LRP1: variants seen among roughly 807,000 people sequenced by gnomAD.
The protein encoded by LRP1 is LDL receptor related protein 1, also known as prolow-density lipoprotein receptor-related protein 1.
Under a neutral mutation model 541.5 loss-of-function variants are expected in LRP1, and 51 were observed. The ratio of observed to expected loss-of-function variants is 0.09; its 90% CI spans 0.08 to 0.12. The LOEUF (loss-of-function observed/expected upper bound fraction) is 0.12, where lower values mean the gene tolerates loss of function less well. Ranked by LOEUF, LRP1 falls within the 10% of genes least tolerant of loss-of-function variation. The probability of loss-of-function intolerance (pLI) is 1.00; values close to 1 mark genes in which losing one functional copy is unlikely to be tolerated. For missense variants in LRP1, 3,878 were observed against 6,376.2 expected (o/e 0.61, Z 13.34); for synonymous variants, 2,219 against 2,470.8 (o/e 0.90, Z 3.02).
chr12:57,194,783 A>G (rs2136728741), intron 50 of LRP1, 84 bp downstream of exon 50: 1 of 1,476,450 alleles, frequency 6.8e-7, no homozygotes, highest in Non-Finnish European at 9.1e-7. Flanking sequence ...GCCCCCTTGG[A>G]AAAGGGCATC....
intron 3 of LRP1, among the ~76,000 whole-genome samples, chr12:57,141,879 G>A (rs960923347): frequency 1.3e-5 from 2 of 152,196 alleles, no homozygotes; most frequent in African/African-American, 4.8e-5. Context: ...ACCTGAGTGT[G>A]AACACAGGGA....
Position 57,181,180 on chromosome 12 carries a change from A to C in LRP1, c.5551A>C (p.Ser1851Arg), listed in dbSNP as rs1259558344. Residue 1851 changes from serine to arginine, a missense_variant, in exon 34 of 89, where the codon AGT (serine) becomes CGT (arginine). Physicochemically the swap from Ser to Arg is moderately radical, Grantham distance 110 (BLOSUM62 -1). Coordinates refer to ENST00000243077, the MANE Select transcript of LRP1 (RefSeq NM_002332.3). The stretch of plus-strand genomic sequence containing the variant: ...AGACCATAAGGGCACCAACCCCTGC[A>C]GTGTCAACAACGGTGACTGCTCCCA... Reference protein sequence around the residue: ...QLDHKGTNPCSVNNGDCSQLC... With the variant: ...QLDHKGTNPCRVNNGDCSQLC... The C allele has an allele frequency of 6.2e-7, 1 of 1,613,776 alleles. No homozygotes were observed. The highest frequency in any genetic ancestry group is 1.7e-5 in the Admixed American group (1 of 60,024).
rs759056404 is a variant in LRP1 at position 57,210,371 on chromosome 12, G to A, written c.12645G>A (p.Arg4215=). ...GTGGCAGCTGTTTCCTCAATGCACGGAGGCAGCCCAAGTGCCGCTGCCAAC... is the reference window on the plus strand; with the variant it reads ...GTGGCAGCTGTTTCCTCAATGCACGAAGGCAGCCCAAGTGCCGCTGCCAAC... The part of the protein sequence containing the change: ...FNGGSCFLNA[R]RQPKCRCQPR... Residue 4215 remains arginine, a synonymous_variant, in exon 82 of 89, where the codon CGG becomes CGA. Coordinates refer to ENST00000243077, the MANE Select transcript of LRP1 (RefSeq NM_002332.3). 6 of 1,605,248 alleles carry A rather than the reference G, an allele frequency of 3.7e-6. No homozygotes were observed. The highest frequency in any genetic ancestry group is 5.1e-6 in the Non-Finnish European group (6 of 1,174,872).
chr12:57,206,650 C>T lies in LRP1; in HGVS notation c.11768C>T (p.Thr3923Ile), dbSNP rs893554622. The T allele has an allele frequency of 9.3e-6, 15 of 1,614,030 alleles. No homozygotes were observed. Among genetic ancestry groups the T allele is most frequent in the Non-Finnish European group, 1.3e-5 (15 of 1,180,038 alleles). Residue 3923 changes from threonine to isoleucine, a missense_variant, in exon 76 of 89, where the codon ACC becomes ATC. Around this residue, in one of 13 missense-constraint regions of LRP1, gnomAD observed 871 missense variants for 1,212.4 expected, o/e 0.72. Transcript: ENST00000243077. This position sits in a 1 kb window ranked among gnomAD's most constrained non-coding sequence, Gnocchi z 4.7. ...TATTGGACCAACTGGCACACGGGCA[C>T]CATCTCCTACCGCAGCCTGCCACCT... ...RVYWTNWHTG[T>I]ISYRSLPPAA...
In LRP1 at chr12:57,205,738, G is replaced by C; in HGVS notation, c.11590+61G>C. 1 of 1,590,704 alleles carries C rather than the reference G, an allele frequency of 6.3e-7. No individual in the cohort carries two copies. The highest frequency in any genetic ancestry group is 8.5e-7 in the Non-Finnish European group (1 of 1,173,840). On this transcript the variant is annotated intron_variant, in intron 75 of 88. Transcript: ENST00000243077. This position sits in a 1 kb window ranked among gnomAD's most constrained non-coding sequence, Gnocchi z 4.6. ...GGGCAGGGCGACCAGGATATCAAACGGGGCCGACTTGGAATGGAATGTCTT... is the reference window on the plus strand; with the variant it reads ...GGGCAGGGCGACCAGGATATCAAACCGGGCCGACTTGGAATGGAATGTCTT...
In LRP1 at chr12:57,184,669, G is replaced by T. The variant is rs2036233717; in HGVS notation, c.6187-170G>T. On this transcript the variant is annotated intron_variant, in intron 38 of 88. Transcript: ENST00000243077. The surrounding 1 kb of genome is among the most constrained non-coding windows in gnomAD (Gnocchi z 7.8). ...GTGGGGGAGTGGAGAGATGCCTGGA[G>T]GTCACCTTATCAGCAGGGCAGTGGG... is the stretch of plus-strand genomic sequence containing the variant. 6.6e-6 allele frequency among the ~76,000 whole-genome samples: 1 copy of T among 152,172 alleles called. No homozygotes were observed. Among genetic ancestry groups the T allele is most frequent in the Non-Finnish European group, 1.5e-5 (1 of 68,024 alleles).
chr12:57,196,309 C>T (rs1451008010), intron 55 of LRP1, 32 bp downstream of exon 55: 2 of 1,513,702 alleles, frequency 1.3e-6, no homozygotes, highest in Non-Finnish European at 1.8e-6. Flanking sequence ...AGCTTCCACA[C>T]CCCAGACGTG....
At position 57,205,290 on chromosome 12, in the gene LRP1, G is replaced by A. The variant is rs2036749159; in HGVS notation, c.11335+41G>A. The A allele has an allele frequency of 6.3e-7, 1 of 1,596,740 alleles. No individual in the cohort carries two copies. Among genetic ancestry groups the A allele is most frequent in the African/African-American group, 1.3e-5 (1 of 74,712 alleles). On this transcript the variant is annotated intron_variant, in intron 73 of 88. Coordinates refer to ENST00000243077, the MANE Select transcript of LRP1 (RefSeq NM_002332.3). This position sits in a 1 kb window ranked among gnomAD's most constrained non-coding sequence, Gnocchi z 4.6. ...GGACCGGACGCTGGTGGGGAGTGGGGAGAGCCAAGCCCTGGCCTGGGGTGG... is the reference window on the plus strand; with the variant it reads ...GGACCGGACGCTGGTGGGGAGTGGGAAGAGCCAAGCCCTGGCCTGGGGTGG...
chr12:57,190,567 G>T (rs1425403071), intron 42 of LRP1, among the ~76,000 whole-genome samples: 5 of 152,204 alleles, frequency 3.3e-5, no homozygotes, highest in African/African-American at 1.2e-4. Flanking sequence ...CCCAGATACT[G>T]CAATGTGAAT....
At chr12:57,209,979 T>A in intron 80 of LRP1, 50 bp from the exon 81 acceptor site, 1 of 1,585,050 alleles carries the variant, frequency 6.3e-7, no homozygotes, top group Non-Finnish European at 8.6e-7. Flanking sequence ...CTCACAGGGC[T>A]CAGAGAAGGG....
At chr12:57,145,125 A>G in intron 5 of LRP1, 25 bp downstream of exon 5, 4 of 1,613,864 alleles carry the variant, frequency 2.5e-6, no homozygotes, top group Non-Finnish European at 3.4e-6. Context: ...CTCTGGCCAC[A>G]GTGCTAACTA....
chr12:57,204,927 A>G lies in LRP1; in HGVS notation c.11194+178A>G. 7.6e-7 allele frequency: 1 copy of G among 1,323,434 alleles called. No homozygotes were observed. Among genetic ancestry groups the G allele is most frequent in the Non-Finnish European group, 1.0e-6 (1 of 973,144 alleles). 82.0% of individuals were successfully genotyped at this position (1,323,434 alleles called of 1,614,324 possible). A position where few individuals can be genotyped will look rare whatever the true frequency, so the allele number is the denominator to read the frequency against. On this transcript the variant is annotated intron_variant, in intron 72 of 88. Coordinates refer to ENST00000243077, the MANE Select transcript of LRP1 (RefSeq NM_002332.3). The surrounding 1 kb of genome is among the most constrained non-coding windows in gnomAD (Gnocchi z 5.3). ...GTTAGGAAAGAGAAGCCCCTGGGGA[A>G]GGCTCTGGGGGCTGCCTGATGCCTT...
chr12:57,154,843 G>A lies in LRP1; in HGVS notation c.1227+142G>A, dbSNP rs573701210. ...GCCCCAGGCCTCTAGTGGGAGTGGGGTGGGCTTGAATACTGCAGAGAAAGG... is the reference window on the plus strand; with the variant it reads ...GCCCCAGGCCTCTAGTGGGAGTGGGATGGGCTTGAATACTGCAGAGAAAGG... On this transcript the variant is annotated intron_variant, in intron 8 of 88. Transcript: ENST00000243077. This position sits in a 1 kb window ranked among gnomAD's most constrained non-coding sequence, Gnocchi z 4.6. The A allele has an allele frequency of 1.6e-5, 12 of 761,248 alleles. No homozygotes were observed. The highest frequency in any genetic ancestry group is 2.7e-5 in the Non-Finnish European group (12 of 443,628). The allele number at this position is 761,248 out of a possible 1,614,324, so 47.2% of individuals were successfully genotyped here. A position where few individuals can be genotyped will look rare whatever the true frequency, so the allele number is the denominator to read the frequency against.
chr12:57,147,857 A>T (rs1387094390), intron 6 of LRP1, among the ~76,000 whole-genome samples: 1 of 152,142 alleles, frequency 6.6e-6, no homozygotes, highest in Admixed American at 6.5e-5. Context: ...GTGTGTGAAC[A>T]TTCCTCTTCA....
intron 22 of LRP1, among the ~76,000 whole-genome samples, chr12:57,175,225 G>A (rs1200527981): frequency 6.6e-6 from 1 of 152,196 alleles, no homozygotes; most frequent in African/African-American, 2.4e-5. Flanking sequence ...GTGGGAAGGG[G>A]AGGTATGGTG....
At chr12:57,195,497 C>T (rs1238928248) in intron 52 of LRP1, 98 bp downstream of exon 52, 67 of 1,572,060 alleles carry the variant, frequency 4.3e-5, no homozygotes, top group East Asian at 1.8e-4. Context: ...AATGCCTCAG[C>T]GGGGTCCACT....
chr12:57,163,557 C>T (rs1278988077), intron 15 of LRP1, among the ~76,000 whole-genome samples: 9 of 148,062 alleles, frequency 6.1e-5, no homozygotes, highest in South Asian at 2.1e-4. Flanking sequence ...CCAGCCTAGG[C>T]GACAGATGGA....
Position 57,184,796 on chromosome 12 carries a change from C to T in LRP1, c.6187-43C>T, listed in dbSNP as rs36049517. On this transcript the variant is annotated intron_variant, in intron 38 of 88. Coordinates refer to ENST00000243077, the MANE Select transcript of LRP1 (RefSeq NM_002332.3). This position sits in a 1 kb window ranked among gnomAD's most constrained non-coding sequence, Gnocchi z 7.8. The stretch of plus-strand genomic sequence containing the variant: ...GCTGCCCCAGACATGGGGCTGGCAG[C>T]GAGCTCAGCCCTGGAGGTGAGGTGG... 6,681 of 1,585,426 alleles carry T rather than the reference C, an allele frequency of 4.2e-3. 231 individuals carry two copies. The African/African-American group carries it at 0.073, about 17-fold the overall frequency.
chr12:57,158,728 C>A lies in LRP1; in HGVS notation c.1798+90C>A. 8.5e-7 allele frequency: 1 copy of A among 1,170,972 alleles called. No individual in the cohort carries two copies. Among genetic ancestry groups the A allele is most frequent in the Non-Finnish European group, 1.2e-6 (1 of 801,268 alleles). 72.5% of individuals were successfully genotyped at this position (1,170,972 alleles called of 1,614,324 possible). Reference sequence around the variant, plus strand: ...TCGGTGCCCTCTCAGCAGGATGGTCCCCTGCTGACTGGCTGGCTGCACTGG... The same window carrying A: ...TCGGTGCCCTCTCAGCAGGATGGTCACCTGCTGACTGGCTGGCTGCACTGG... On this transcript the variant is annotated intron_variant, in intron 11 of 88. Coordinates refer to ENST00000243077, the MANE Select transcript of LRP1 (RefSeq NM_002332.3). The surrounding 1 kb of genome is among the most constrained non-coding windows in gnomAD (Gnocchi z 5.3).
Sources: gnomAD v4.1 joint callset for allele counts (sites outside exome capture counted in the v4.1 genomes callset) on GRCh38, gnomAD v4.1.1 for gene constraint, gnomAD v4.1.1 regional missense constraint, Gnocchi (gnomAD v3.1) non-coding constraint, MANE v1.5 for transcripts, NCBI Gene and HGNC (gene_info 2026-07-23, HGNC 2026-07-21) for gene names.